GPC3: variants seen among roughly 807,000 people sequenced by gnomAD.
The protein encoded by GPC3 is glypican-3.
GPC3 carries 3 observed loss-of-function variants against 34.4 expected under a neutral mutation model. The observed-to-expected ratio is 0.09, with a 90% CI of 0.04 to 0.23. The LOEUF is 0.23. Among genes scored for constraint, GPC3 ranks in the 10% least tolerant of loss-of-function variants. The pLI is 1.00. For synonymous variants in GPC3, 177 were observed against 174.0 expected (o/e 1.02, Z -0.13); for missense variants, 351 against 445.6 (o/e 0.79, Z 1.91).
At chrX:133,796,491 T>G (rs957080033) in intron 2 of GPC3, among the ~76,000 whole-genome samples, 1 of 111,757 alleles carries the variant, frequency 8.9e-6, no homozygotes, top group South Asian at 3.8e-4. Context: ...AGCACAGTAA[T>G]TAGAAATTGG....
intron 6 of GPC3, among the ~76,000 whole-genome samples, chrX:133,644,948 T>G (rs1445551942): frequency 9.0e-6 from 1 of 110,952 alleles, no homozygotes; most frequent in Non-Finnish European, 1.9e-5. Flanking sequence ...GCCCAGCAAA[T>G]TTCTGTATTT....
At chrX:133,796,236 C>T (rs934259683) in intron 2 of GPC3, among the ~76,000 whole-genome samples, 1 of 111,691 alleles carries the variant, frequency 9.0e-6, no homozygotes, top group East Asian at 2.8e-4. Context: ...TGAGCCACCG[C>T]GCCTGGCATA....
intron 2 of GPC3, among the ~76,000 whole-genome samples, chrX:133,948,871 C>G (rs1466153897): frequency 8.9e-6 from 1 of 111,877 alleles, no homozygotes; most frequent in Non-Finnish European, 1.9e-5. Context: ...ATCATGAACT[C>G]CAGCCTTGTC....
rs761695953 is a variant in GPC3, at chrX:133,911,438, C to T, written c.337+41612G>A. Among the ~76,000 whole-genome samples the T allele has an allele frequency of 1.6e-4, 18 of 111,564 alleles. No individual in the cohort carries two copies. In the East Asian group the frequency reaches 1.7e-3, roughly 10 times the overall value. On this transcript the variant is annotated intron_variant, in intron 2 of 7. Coordinates refer to ENST00000370818, the MANE Select transcript of GPC3 (RefSeq NM_004484.4). The stretch of plus-strand genomic sequence containing the variant: ...TCATGACAGTGATTAAATATCCAGG[C>T]GCTCAGATTTTTTTTAAAAGGTATG...
chrX:133,563,148 T>A (rs751957345), intron 7 of GPC3, among the ~76,000 whole-genome samples: 1 of 111,225 alleles, frequency 9.0e-6, no homozygotes, highest in South Asian at 3.9e-4. Context: ...TAAATGAAGC[T>A]GGGCTACATG....
intron 2 of GPC3, among the ~76,000 whole-genome samples, chrX:133,878,156 G>A (rs1261465680): frequency 2.7e-5 from 3 of 111,732 alleles, no homozygotes; most frequent in African/African-American, 6.5e-5. Context: ...GGCCGGGCGC[G>A]GTGGCTCACG....
In GPC3 at chrX:133,596,370, G is replaced by A. The variant is rs1221925692; in HGVS notation, c.1573+70C>T. 2.6e-5 allele frequency: 25 copies of A among 950,570 alleles called. No homozygotes were observed. The East Asian group carries it at 6.4e-4, about 25-fold the overall frequency. 78.3% of individuals were successfully genotyped at this position (950,570 alleles called of 1,213,427 possible). On this transcript the variant is annotated intron_variant, in intron 7 of 7. Transcript: ENST00000370818. ...AATGTAAGGGAATTGCAGACAGCGG[G>A]TTCAATTTATTTTTAATTCCTGAGC... is the stretch of plus-strand genomic sequence containing the variant.
intron 2 of GPC3, among the ~76,000 whole-genome samples, chrX:133,839,915 G>A (rs1260689404): frequency 7.0e-5 from 6 of 85,765 alleles, no homozygotes; most frequent in South Asian, 6.1e-4. Flanking sequence ...GCAACAGAGC[G>A]AGACTCCGTT....
At chrX:133,939,538 C>A (rs2076336038) in intron 2 of GPC3, among the ~76,000 whole-genome samples, 1 of 111,191 alleles carries the variant, frequency 9.0e-6, no homozygotes, top group African/African-American at 3.3e-5. Flanking sequence ...AAAGAGAGGC[C>A]CTGTGTGGTA....
At chrX:133,593,900 G>A (rs760426495) in intron 7 of GPC3, among the ~76,000 whole-genome samples, 26 of 110,963 alleles carry the variant, frequency 2.3e-4, no homozygotes, top group African/African-American at 8.5e-4. Context: ...TTTGAGACCA[G>A]CCTGGCCAAC....
At chrX:133,933,083 A>G (rs2076305762) in intron 2 of GPC3, among the ~76,000 whole-genome samples, 1 of 111,504 alleles carries the variant, frequency 9.0e-6, no homozygotes, top group Non-Finnish European at 1.9e-5. Context: ...TCCATTTTAT[A>G]GGTTAGAAAT....
At chrX:133,936,242 A>C (rs2076323142) in intron 2 of GPC3, among the ~76,000 whole-genome samples, 3 of 104,273 alleles carry the variant, frequency 2.9e-5, no homozygotes, top group Admixed American at 2.1e-4. Context: ...TAATAAAGTG[A>C]AAAAAAAAAG....
At chrX:133,919,022 C>T (rs1165403637) in intron 2 of GPC3, among the ~76,000 whole-genome samples, 3 of 111,799 alleles carry the variant, frequency 2.7e-5, no homozygotes, top group African/African-American at 6.5e-5. Context: ...GGATACTCTC[C>T]TCCAGAAGCA....
At chrX:133,880,320 G>A (rs1222845466) in intron 2 of GPC3, among the ~76,000 whole-genome samples, 1 of 112,016 alleles carries the variant, frequency 8.9e-6, no homozygotes, top group Non-Finnish European at 1.9e-5. Context: ...AATATGAGTT[G>A]AAAGCGAAAC....
chrX:133,658,530 A>T (rs1802594905), intron 6 of GPC3, among the ~76,000 whole-genome samples: 1 of 111,554 alleles, frequency 9.0e-6, no homozygotes, highest in African/African-American at 3.3e-5. Flanking sequence ...CTTCTTTATG[A>T]CTTCCCTGAA....
intron 7 of GPC3, among the ~76,000 whole-genome samples, chrX:133,575,798 C>T (rs1378503723): frequency 8.9e-6 from 1 of 111,878 alleles, no homozygotes; most frequent in Non-Finnish European, 1.9e-5. Flanking sequence ...CCTAGATCTC[C>T]TAAGCACATA....
chrX:133,579,824 C>T (rs984573544), intron 7 of GPC3, among the ~76,000 whole-genome samples: 3 of 111,865 alleles, frequency 2.7e-5, no homozygotes, highest in African/African-American at 6.5e-5. Flanking sequence ...AAGCAAGCCA[C>T]GACGCCCAGC....
intron 6 of GPC3, among the ~76,000 whole-genome samples, chrX:133,631,831 G>A (rs1192087277): frequency 9.1e-6 from 1 of 109,372 alleles, no homozygotes; most frequent in African/African-American, 3.3e-5. Flanking sequence ...GGTATGACGT[G>A]ATAACTCATT....
intron 6 of GPC3, among the ~76,000 whole-genome samples, chrX:133,611,229 GGGGGTGT>G (rs1281727313): frequency 9.2e-6 from 1 of 109,093 alleles, no homozygotes; most frequent in Admixed American, 9.8e-5. Flanking sequence ...GGGTGTGGGT[GGGGGTGT>G]GGTGGGGGGT....
Sources: allele counts gnomAD v4.1 joint callset (sites outside exome capture counted in the v4.1 genomes callset), GRCh38; gene constraint gnomAD v4.1.1; transcripts MANE v1.5; gene names NCBI Gene and HGNC (gene_info 2026-07-23, HGNC 2026-07-21).